The following SLC23A2 variants were observed in gnomAD, a reference collection of about 807,000 sequenced individuals.
SLC23A2 encodes the protein solute carrier family 23 member 2.
SLC23A2 carries 36 observed loss-of-function variants against 73.3 expected under a neutral mutation model. That is an observed-to-expected ratio of 0.49 (90% CI 0.38 to 0.65). The LOEUF is 0.65. Among genes scored for constraint, SLC23A2 ranks in the 30% least tolerant of loss-of-function variants. The pLI is 0.00. For synonymous variants in SLC23A2, 343 were observed against 327.3 expected (o/e 1.05, Z -0.52); for missense variants, 507 against 841.6 (o/e 0.60, Z 4.92).
chr20:5,002,042 C>A (rs906670273), upstream of SLC23A2, among the ~76,000 whole-genome samples: 1 of 152,128 alleles, frequency 6.6e-6, no homozygotes, highest in African/African-American at 2.4e-5. Flanking sequence ...GACGTGAATT[C>A]TCTGGGGGTC....
At chr20:4,956,800 C>CTTTTT (rs759658782) in intron 2 of SLC23A2, among the ~76,000 whole-genome samples, 58 of 111,868 alleles carry the variant, frequency 5.2e-4, no homozygotes, top group Non-Finnish European at 5.5e-4. Flanking sequence ...CTTCCCTCTT[C>CTTTTT]TTTTTTTTTT....
At chr20:4,925,480 G>C (rs1246335253) in intron 3 of SLC23A2, among the ~76,000 whole-genome samples, 8 of 152,102 alleles carry the variant, frequency 5.3e-5, no homozygotes, top group Non-Finnish European at 1.0e-4. Context: ...TTCCAGGACA[G>C]AGCCTCACGC....
intron 9 of SLC23A2, 81 bp from the exon 10 acceptor site, chr20:4,874,777 A>T: frequency 3.3e-6 from 4 of 1,207,194 alleles, no homozygotes; most frequent in Non-Finnish European, 4.6e-6. Flanking sequence ...TCTATGGCAA[A>T]ATTGACATAG....
intron 2 of SLC23A2, among the ~76,000 whole-genome samples, chr20:4,934,316 C>T (rs2086925891): frequency 6.6e-6 from 1 of 152,098 alleles, no homozygotes; most frequent in African/African-American, 2.4e-5. Flanking sequence ...AAATAGAGGC[C>T]AGGTGTGCTG....
At chr20:4,975,168 T>C (rs2087623920) in intron 1 of SLC23A2, among the ~76,000 whole-genome samples, 3 of 152,174 alleles carry the variant, frequency 2.0e-5, no homozygotes, top group Admixed American at 2.0e-4. Flanking sequence ...CAAAAGGTGC[T>C]AGGCCCAGAC....
intron 2 of SLC23A2, among the ~76,000 whole-genome samples, chr20:4,941,100 A>G (rs906662263): frequency 3.9e-5 from 6 of 152,022 alleles, no homozygotes; most frequent in Admixed American, 3.3e-4. Context: ...AGGTTGCAGT[A>G]AGCCGAGATT....
intron 2 of SLC23A2, among the ~76,000 whole-genome samples, chr20:4,966,793 A>G (rs1375921219): frequency 1.7e-5 from 2 of 116,260 alleles, no homozygotes; most frequent in Admixed American, 1.0e-4. Flanking sequence ...ATGGATGTGT[A>G]AACTTTTGAT....
At chr20:4,991,311 C>T (rs550506004) in intron 1 of SLC23A2, among the ~76,000 whole-genome samples, 74 of 152,042 alleles carry the variant, frequency 4.9e-4, no homozygotes, top group Non-Finnish European at 7.4e-4. Flanking sequence ...GGTCTCACTA[C>T]GTTTCCCAAA....
intron 13 of SLC23A2, 103 bp downstream of exon 13, chr20:4,867,667 A>G: frequency 2.1e-6 from 1 of 469,310 alleles, no homozygotes; most frequent in Non-Finnish European, 3.8e-6. Context: ...GTAATTTTTT[A>G]GAACCAGAGG....
chr20:4,945,893 A>C (rs187205905), intron 2 of SLC23A2, among the ~76,000 whole-genome samples: 2 of 152,312 alleles, frequency 1.3e-5, no homozygotes, highest in Non-Finnish European at 2.9e-5. Context: ...ATATTGTGCC[A>C]AAGTGAGAAA....
intron 2 of SLC23A2, among the ~76,000 whole-genome samples, chr20:4,934,487 C>T (rs981074345): frequency 1.3e-5 from 2 of 152,284 alleles, no homozygotes; most frequent in African/African-American, 2.4e-5. Context: ...AAGGGATACA[C>T]TCGGAACATG....
intron 13 of SLC23A2, among the ~76,000 whole-genome samples, chr20:4,866,677 C>A (rs574878253): frequency 1.3e-5 from 2 of 152,208 alleles, no homozygotes; most frequent in Non-Finnish European, 2.9e-5. Context: ...TGTGTGCCTG[C>A]CTGGCAGCTC....
chr20:4,899,030 T>C lies in SLC23A2; in HGVS notation c.482+525A>G, dbSNP rs1323291706. Among the ~76,000 whole-genome samples the C allele has an allele frequency of 6.6e-6, 1 of 152,008 alleles. No homozygotes were observed. Among genetic ancestry groups the C allele is most frequent in the East Asian group, 1.9e-4 (1 of 5,164 alleles). On this transcript the variant is annotated intron_variant, in intron 6 of 16. Transcript: ENST00000338244. The surrounding 1 kb of genome is among the most constrained non-coding windows in gnomAD (Gnocchi z 4.9). ...AGGCAGGAGACAGGGCTCAGAGGCA[T>C]GGCTGGAGATGGAAGTGGGGCAGAG... is the stretch of plus-strand genomic sequence containing the variant.
intron 2 of SLC23A2, among the ~76,000 whole-genome samples, chr20:4,961,242 C>T (rs1206589840): frequency 6.6e-6 from 1 of 151,956 alleles, no homozygotes; most frequent in Non-Finnish European, 1.5e-5. Flanking sequence ...TCACCATGCC[C>T]AGCTAATTTT....
intron 2 of SLC23A2, among the ~76,000 whole-genome samples, chr20:4,964,527 C>T (rs2087443014): frequency 6.6e-6 from 1 of 152,142 alleles, no homozygotes; most frequent in African/African-American, 2.4e-5. Context: ...ATTGTGGGCA[C>T]ATTCTTATAT....
At chr20:4,919,704 C>T (rs1932440708) in intron 3 of SLC23A2, among the ~76,000 whole-genome samples, 1 of 152,118 alleles carries the variant, frequency 6.6e-6, no homozygotes, top group African/African-American at 2.4e-5. Context: ...GGATCCTGTC[C>T]CCAGATGGAT....
rs1931805448 is a variant in SLC23A2 at position 4,902,955 on chromosome 20, C to T, written c.208-397G>A. On this transcript the variant is annotated intron_variant, in intron 4 of 16. Coordinates refer to ENST00000338244, the MANE Select transcript of SLC23A2 (RefSeq NM_005116.6). This position sits in a 1 kb window ranked among gnomAD's most constrained non-coding sequence, Gnocchi z 4.0. ...AAAAAATCTTAGAAAATTTTAACCA[C>T]TTTCAAAGAGACAGCACACTGATCT... 6.6e-6 allele frequency among the ~76,000 whole-genome samples: 1 copy of T among 152,158 alleles called. No individual in the cohort carries two copies. Among genetic ancestry groups the T allele is most frequent in the Admixed American group, 6.6e-5 (1 of 15,266 alleles).
At chr20:4,874,547 G>A in intron 10 of SLC23A2, 29 bp downstream of exon 10, 1 of 1,571,890 alleles carries the variant, frequency 6.4e-7, no homozygotes, top group Non-Finnish European at 8.6e-7. Flanking sequence ...GGGCAAAAAT[G>A]TCAGCAGGGG....
intron 2 of SLC23A2, among the ~76,000 whole-genome samples, chr20:4,954,392 C>A (rs1218926458): frequency 1.3e-5 from 2 of 151,934 alleles, no homozygotes; most frequent in East Asian, 3.9e-4. Context: ...AAATTTCAAA[C>A]CCCATGAAAA....
Sources: gnomAD v4.1 joint callset for allele counts (sites outside exome capture counted in the v4.1 genomes callset) on GRCh38, gnomAD v4.1.1 for gene constraint, Gnocchi (gnomAD v3.1) non-coding constraint, MANE v1.5 for transcripts, NCBI Gene and HGNC (gene_info 2026-07-23, HGNC 2026-07-21) for gene names.